Variants in INPP5A observed in about 807,000 individuals in gnomAD.
INPP5A encodes the protein inositol polyphosphate-5-phosphatase A.
In INPP5A, 14 loss-of-function variants were observed where a neutral mutation model predicts 65.2. That is an observed-to-expected ratio of 0.21 (90% CI 0.14 to 0.34). The LOEUF is 0.34. Among genes scored for constraint, INPP5A ranks in the 10% least tolerant of loss-of-function variants. INPP5A has a pLI of 1.00. For missense variants in INPP5A, 431 were observed against 545.6 expected (o/e 0.79, Z 2.09); for synonymous variants, 207 against 208.3 (o/e 0.99, Z 0.05).
At chr10:132,708,252 A>C in intron 6 of INPP5A, 61 bp from the exon 7 acceptor site, 1 of 1,459,290 alleles carries the variant, frequency 6.9e-7, no homozygotes, top group Non-Finnish European at 9.6e-7. Flanking sequence ...GGTGTGTGGG[A>C]CCCACGTGTT....
At chr10:132,718,338 A>G (rs868431862) in intron 8 of INPP5A, among the ~76,000 whole-genome samples, 154 of 88,788 alleles carry the variant, frequency 1.7e-3, no homozygotes, top group African/African-American at 2.8e-3. Flanking sequence ...GTTCTGTCTG[A>G]GCACCTTAGA....
At chr10:132,626,083 C>T (rs1183699599) in intron 2 of INPP5A, among the ~76,000 whole-genome samples, 2 of 152,146 alleles carry the variant, frequency 1.3e-5, no homozygotes, top group African/African-American at 2.4e-5. Flanking sequence ...CATTCCAGAA[C>T]GTCACACGCT....
chr10:132,743,590 CCAGAGG>C (rs1478887196), intron 9 of INPP5A, among the ~76,000 whole-genome samples: 2 of 150,434 alleles, frequency 1.3e-5, no homozygotes, highest in Non-Finnish European at 3.0e-5. Flanking sequence ...CTGCAAAGTG[CCAGAGG>C]CAGTTTGCTT....
intron 4 of INPP5A, among the ~76,000 whole-genome samples, chr10:132,666,556 T>C (rs149825301): frequency 1.1e-3 from 169 of 152,304 alleles, no homozygotes; most frequent in African/African-American, 3.9e-3. Context: ...TGGCGCACCA[T>C]CCCGAGGCTG....
At position 132,762,752 on chromosome 10, in the gene INPP5A, A is replaced by G. The variant is rs1173696328; in HGVS notation, c.904-3021A>G. Reference sequence around the variant, plus strand: ...GCTGGGCACGGTAGAACACTTGGGGAGGCCGAGGCAGGAGGATTGCTTGAG... The same window carrying G: ...GCTGGGCACGGTAGAACACTTGGGGGGGCCGAGGCAGGAGGATTGCTTGAG... On this transcript the variant is annotated intron_variant, in intron 11 of 15. Transcript: ENST00000368594. The surrounding 1 kb of genome is among the most constrained non-coding windows in gnomAD (Gnocchi z 4.6). Among the ~76,000 whole-genome samples the G allele has an allele frequency of 6.6e-6, 1 of 152,182 alleles. No individual in the cohort carries two copies. Among genetic ancestry groups the G allele is most frequent in the African/African-American group, 2.4e-5 (1 of 41,434 alleles).
intron 1 of INPP5A, among the ~76,000 whole-genome samples, chr10:132,601,819 C>T (rs780255296): frequency 1.1e-4 from 17 of 152,292 alleles, no homozygotes; most frequent in Non-Finnish European, 2.2e-4. Flanking sequence ...TTATTCCATT[C>T]CATTGGTCCA....
chr10:132,650,410 C>T lies in INPP5A; in HGVS notation c.219-8C>T, dbSNP rs2072558352. On this transcript the variant is annotated splice_polypyrimidine_tract_variant and splice_region_variant and intron_variant, in intron 3 of 15. Transcript: ENST00000368594. The surrounding 1 kb of genome is among the most constrained non-coding windows in gnomAD (Gnocchi z 5.5). ...CTTTTCCTCAGGAACCTACTTTCTT[C>T]CTTCCAGAGAACTATTGTCGAGTGA... 1.2e-6 allele frequency: 2 copies of T among 1,608,336 alleles called. No individual in the cohort carries two copies. Among genetic ancestry groups the T allele is most frequent in the East Asian group, 4.5e-5 (2 of 44,840 alleles).
chr10:132,752,013 G>T (rs1846491953), intron 11 of INPP5A, among the ~76,000 whole-genome samples: 1 of 147,648 alleles, frequency 6.8e-6, no homozygotes, highest in African/African-American at 2.5e-5. Flanking sequence ...GAGGCGTCTG[G>T]GTAGAGGCAG....
Position 132,753,177 on chromosome 10 carries a change from C to T in INPP5A, c.903+3332C>T, listed in dbSNP as rs950726638. Among the ~76,000 whole-genome samples, 7 of 152,122 alleles carry T rather than the reference C, an allele frequency of 4.6e-5. No individual in the cohort carries two copies. The highest frequency in any genetic ancestry group is 2.1e-4 in the South Asian group (1 of 4,826). ...TGACCCGGGTGCCCTCGCACTTGCC[C>T]GAGGTGCCGGCATGCCGAGTCAGTT... is the stretch of plus-strand genomic sequence containing the variant. On this transcript the variant is annotated intron_variant, in intron 11 of 15. Coordinates refer to ENST00000368594, the MANE Select transcript of INPP5A (RefSeq NM_005539.5). The surrounding 1 kb of genome is among the most constrained non-coding windows in gnomAD (Gnocchi z 5.3).
In INPP5A at chr10:132,679,770, C is replaced by T. The variant is rs376249327; in HGVS notation, c.307-10622C>T. Among the ~76,000 whole-genome samples the T allele has an allele frequency of 6.4e-4, 98 of 152,264 alleles. 1 individual carries two copies. Among genetic ancestry groups the T allele is most frequent in the Non-Finnish European group, 8.8e-4 (60 of 68,016 alleles). On this transcript the variant is annotated intron_variant, in intron 4 of 15. Coordinates refer to ENST00000368594, the MANE Select transcript of INPP5A (RefSeq NM_005539.5). Reference sequence around the variant, plus strand: ...TTGCCAATAATCTTAAAAAGAGATGCGCCAGACACACAGACCATGGAGCAG... The same window carrying T: ...TTGCCAATAATCTTAAAAAGAGATGTGCCAGACACACAGACCATGGAGCAG...
chr10:132,753,784 C>G lies in INPP5A; in HGVS notation c.903+3939C>G, dbSNP rs1251738334. ...CTTTCCTTTATCAGCGCCAGTGTCT[C>G]TGCAGGAGTGGCGTGAGCGGCGGCC... is the stretch of plus-strand genomic sequence containing the variant. On this transcript the variant is annotated intron_variant, in intron 11 of 15. Coordinates refer to ENST00000368594, the MANE Select transcript of INPP5A (RefSeq NM_005539.5). The surrounding 1 kb of genome is among the most constrained non-coding windows in gnomAD (Gnocchi z 5.3). 6.6e-6 allele frequency: 1 copy of G among 152,190 alleles called. No homozygotes were observed. Among genetic ancestry groups the G allele is most frequent in the Non-Finnish European group, 1.5e-5 (1 of 68,034 alleles). The allele number at this position is 152,190 out of a possible 1,614,324, so 9.4% of individuals were successfully genotyped here.
chr10:132,655,682 G>C (rs1011515245), intron 4 of INPP5A, among the ~76,000 whole-genome samples: 12 of 149,668 alleles, frequency 8.0e-5, no homozygotes, highest in Non-Finnish European at 1.3e-4. Context: ...TGGGAGGGGT[G>C]GGGGGCCTGT....
At chr10:132,649,796 G>T (rs1233350539) in intron 3 of INPP5A, among the ~76,000 whole-genome samples, 4 of 152,190 alleles carry the variant, frequency 2.6e-5, no homozygotes, top group African/African-American at 9.7e-5. Context: ...CTCCTGTGCA[G>T]CCATGCTTTG....
chr10:132,605,146 A>G (rs1345601503), intron 1 of INPP5A, among the ~76,000 whole-genome samples: 1 of 125,912 alleles, frequency 7.9e-6, no homozygotes, highest in African/African-American at 3.1e-5. Context: ...GAAGAAGTGG[A>G]TCCCCCAGGA....
At chr10:132,711,692 CCTT>C (rs77310607) in intron 8 of INPP5A, among the ~76,000 whole-genome samples, 2 of 152,254 alleles carry the variant, frequency 1.3e-5, no homozygotes, top group Non-Finnish European at 2.9e-5. Context: ...CAGACGCCGA[CCTT>C]CTGTTCCCGG....
intron 5 of INPP5A, among the ~76,000 whole-genome samples, chr10:132,694,970 T>C (rs1403016082): frequency 1.3e-5 from 2 of 152,226 alleles, no homozygotes; most frequent in African/African-American, 4.8e-5. Flanking sequence ...AGGAAGACGT[T>C]ATACCAGTTC....
chr10:132,612,448 C>T (rs2071972409), intron 2 of INPP5A, among the ~76,000 whole-genome samples: 1 of 150,848 alleles, frequency 6.6e-6, no homozygotes, highest in South Asian at 2.1e-4. Context: ...TGTGAAGGTG[C>T]CCTGTTTTGG....
At chr10:132,737,753 C>T (rs1228519100) in intron 9 of INPP5A, among the ~76,000 whole-genome samples, 2 of 152,216 alleles carry the variant, frequency 1.3e-5, no homozygotes, top group South Asian at 2.1e-4. Context: ...ATAGCAATGG[C>T]AACAACAGAA....
chr10:132,747,093 T>G (rs2134631437), intron 9 of INPP5A, among the ~76,000 whole-genome samples: 1 of 152,340 alleles, frequency 6.6e-6, no homozygotes, highest in South Asian at 2.1e-4. Context: ...GACAGAGCCG[T>G]GAATTTCCTG....
Sources: allele counts gnomAD v4.1 joint callset (sites outside exome capture counted in the v4.1 genomes callset), GRCh38; gene constraint gnomAD v4.1.1; non-coding constraint Gnocchi (gnomAD v3.1); transcripts MANE v1.5; gene names NCBI Gene and HGNC (gene_info 2026-07-23, HGNC 2026-07-21).